TCF4: variants seen among roughly 807,000 people sequenced by gnomAD.
TCF4 encodes the protein SL3-3 enhancer factor 2.
In TCF4, 3 loss-of-function variants were observed where a neutral mutation model predicts 82.1. The ratio of observed to expected loss-of-function variants is 0.04; its 90% CI spans 0.02 to 0.09. TCF4 has a LOEUF of 0.09. Ranked by LOEUF, TCF4 falls within the 10% of genes least tolerant of loss-of-function variation. The pLI, the probability that TCF4 is intolerant of heterozygous loss-of-function variation, is 1.00. For missense variants in TCF4, 518 were observed against 852.7 expected, an observed-to-expected ratio of 0.61 and a Z score of 4.89; for synonymous variants, 276 against 309.6, an observed-to-expected ratio of 0.89 and a Z score of 1.14.
chr18:55,589,692 A>ATCC (rs915785227), upstream of TCF4: 1 of 1,033,624 alleles, frequency 9.7e-7, no homozygotes, highest in Non-Finnish European at 1.2e-6. Context: ...CATCATCATC[A>ATCC]TCCTCCTCCT....
At chr18:55,266,779 C>G (rs1400670271) in intron 11 of TCF4, 1 of 152,198 alleles carries the variant, frequency 6.6e-6, no homozygotes, top group African/African-American at 2.4e-5. Context: ...CCTGGTCACT[C>G]CCCCAAGCCA....
chr18:55,582,530 G>T (rs984820733), intron 3 of TCF4, among the ~76,000 whole-genome samples: 1 of 152,078 alleles, frequency 6.6e-6, no homozygotes, highest in Non-Finnish European at 1.5e-5. Flanking sequence ...GGAATGTCAG[G>T]CTGTAGCTCA....
In TCF4 at chr18:55,342,740, C is replaced by T. The variant is rs116578063; in HGVS notation, c.549+7619G>A. Among the ~76,000 whole-genome samples, 815 of 152,164 alleles carry T rather than the reference C, an allele frequency of 5.4e-3. 8 individuals carry two copies. Among genetic ancestry groups the T allele is most frequent in the African/African-American group, 0.018 (751 of 41,516 alleles). ...CCACTTGTTATTAAATTATTTTGTACTTCAAGTTCGTTTCATAAAAAGCAA... is the reference window on the plus strand; with the variant it reads ...CCACTTGTTATTAAATTATTTTGTATTTCAAGTTCGTTTCATAAAAAGCAA... On this transcript the variant is annotated intron_variant, in intron 8 of 19. Transcript: ENST00000354452.
intron 8 of TCF4, among the ~76,000 whole-genome samples, chr18:55,323,284 C>T (rs1254441745): frequency 6.6e-6 from 1 of 152,056 alleles, no homozygotes; most frequent in Non-Finnish European, 1.5e-5. Context: ...CAAATGCCAC[C>T]CGAGCATACA....
At chr18:55,346,308 T>C (rs1193121999) in intron 8 of TCF4, among the ~76,000 whole-genome samples, 4 of 152,206 alleles carry the variant, frequency 2.6e-5, no homozygotes, top group Non-Finnish European at 5.9e-5. Context: ...GATTAACTAA[T>C]GTCACAAATA....
chr18:55,617,425 G>A (rs2097713164), intron 2 of TCF4, among the ~76,000 whole-genome samples: 1 of 151,972 alleles, frequency 6.6e-6, no homozygotes, highest in Non-Finnish European at 1.5e-5. Flanking sequence ...ATCTTTTGTG[G>A]TTACATAAGA....
At chr18:55,303,254 C>CACACACCCCT (rs1555851938) in intron 8 of TCF4, among the ~76,000 whole-genome samples, 1 of 149,996 alleles carries the variant, frequency 6.7e-6, no homozygotes, top group African/African-American at 2.5e-5. Context: ...CACACACACA[C>CACACACCCCT]ACACACACAC....
chr18:55,340,722 C>CGA, intron 8 of TCF4, among the ~76,000 whole-genome samples: 1 of 152,148 alleles, frequency 6.6e-6, no homozygotes, highest in East Asian at 1.9e-4. Flanking sequence ...AAGTAGGCTG[C>CGA]CATGTTAGAT....
intron 8 of TCF4, chr18:55,332,111 C>A (rs1283124808): frequency 2.0e-5 from 3 of 152,040 alleles, no homozygotes; most frequent in Non-Finnish European, 2.9e-5. Context: ...GTCATCTTTA[C>A]TTATTTAATC....
chr18:55,262,158 G>C (rs1001061215), intron 11 of TCF4, among the ~76,000 whole-genome samples: 1 of 152,084 alleles, frequency 6.6e-6, no homozygotes, highest in Non-Finnish European at 1.5e-5. Context: ...ATATGGCCTC[G>C]AATTCCAGAG....
intron 6 of TCF4, among the ~76,000 whole-genome samples, chr18:55,393,962 G>C (rs543760012): frequency 4.6e-5 from 7 of 152,138 alleles, no homozygotes; most frequent in Non-Finnish European, 8.8e-5. Flanking sequence ...ATACTGCAAT[G>C]GCAGATGTGT....
At chr18:55,282,874 T>C (rs2062902186) in intron 8 of TCF4, among the ~76,000 whole-genome samples, 2 of 152,176 alleles carry the variant, frequency 1.3e-5, no homozygotes, top group Admixed American at 6.5e-5. Flanking sequence ...AAGGTGACTG[T>C]TGGCATTCTG....
chr18:55,338,811 A>G (rs958168703), intron 8 of TCF4, among the ~76,000 whole-genome samples: 3 of 152,154 alleles, frequency 2.0e-5, no homozygotes, highest in Non-Finnish European at 4.4e-5. Flanking sequence ...GCACTAATAG[A>G]TCATGCTTTT....
chr18:55,457,363 T>C (rs1052568277), intron 5 of TCF4, among the ~76,000 whole-genome samples: 8 of 151,310 alleles, frequency 5.3e-5, no homozygotes, highest in Non-Finnish European at 1.5e-5. Flanking sequence ...TGGGTGTACA[T>C]GTGTGTGCAT....
intron 15 of TCF4, among the ~76,000 whole-genome samples, chr18:55,236,283 C>G (rs2049365706): frequency 6.6e-6 from 1 of 152,102 alleles, no homozygotes; most frequent in East Asian, 1.9e-4. Context: ...TGTCGCAACA[C>G]AGAACTTTCT....
At chr18:55,391,605 A>G (rs989660720) in intron 6 of TCF4, among the ~76,000 whole-genome samples, 5 of 151,588 alleles carry the variant, frequency 3.3e-5, no homozygotes, top group African/African-American at 4.9e-5. Flanking sequence ...CCAAACGACC[A>G]CTCACTGACT....
chr18:55,321,491 AAGG>A, intron 8 of TCF4: 5 of 918,696 alleles, frequency 5.4e-6, no homozygotes, highest in Non-Finnish European at 8.3e-6. Flanking sequence ...AAAAAAGACG[AAGG>A]AGAAGAAGTA....
At chr18:55,503,687 C>G (rs186731361) in intron 3 of TCF4, among the ~76,000 whole-genome samples, 1 of 152,324 alleles carries the variant, frequency 6.6e-6, no homozygotes, top group African/African-American at 2.4e-5. Flanking sequence ...CTAACACATT[C>G]TTGGGGAACT....
intron 2 of TCF4, among the ~76,000 whole-genome samples, chr18:55,599,085 C>A (rs1035847486): frequency 1.3e-5 from 2 of 152,202 alleles, no homozygotes; most frequent in Non-Finnish European, 2.9e-5. Context: ...GTTGCTGAGA[C>A]TCAAATCTAT....
Sources: allele counts gnomAD v4.1 joint callset (sites outside exome capture counted in the v4.1 genomes callset), GRCh38; gene constraint gnomAD v4.1.1; transcripts MANE v1.5; gene names NCBI Gene and HGNC (gene_info 2026-07-23, HGNC 2026-07-21).